RTP2: variants seen among roughly 807,000 people sequenced by gnomAD.
RTP2 encodes receptor transporter protein 2.
A neutral mutation model predicts 17.9 loss-of-function variants in RTP2; 12 were observed. The ratio of observed to expected loss-of-function variants is 0.67; its 90% CI spans 0.43 to 1.09. The LOEUF is 1.09. Ranked by LOEUF, RTP2 falls within the 50% of genes least tolerant of loss-of-function variation. RTP2 has a pLI of 0.00. For missense variants in RTP2, 327 were observed against 295.7 expected (o/e 1.11, Z -0.78); for synonymous variants, 126 against 117.7 (o/e 1.07, Z -0.46).
the RTP2 span, among the ~76,000 whole-genome samples, chr3:187,709,647 T>C: frequency 6.6e-6 from 1 of 152,162 alleles, no homozygotes; most frequent in Non-Finnish European, 1.5e-5. Context: ...ATCACACCAT[T>C]GCACTCCAGC....
the RTP2 span, among the ~76,000 whole-genome samples, chr3:187,707,808 A>T: frequency 6.6e-6 from 1 of 152,216 alleles, no homozygotes; most frequent in African/African-American, 2.4e-5. Context: ...ATGTCTAAAA[A>T]TGCTGTTTCC....
At chr3:187,709,535 A>C in the RTP2 span, among the ~76,000 whole-genome samples, 1 of 152,126 alleles carries the variant, frequency 6.6e-6, no homozygotes, top group Non-Finnish European at 1.5e-5. Flanking sequence ...AATACAAAAA[A>C]TTGGCCAGGC....
At chr3:187,710,385 ATAT>A in the RTP2 span, among the ~76,000 whole-genome samples, 1 of 148,404 alleles carries the variant, frequency 6.7e-6, no homozygotes, top group African/African-American at 2.5e-5. Flanking sequence ...CCATATATAT[ATAT>A]ATATATATAT....
chr3:187,699,782 CATAT>C (rs1553830576), intron 1 of RTP2, among the ~76,000 whole-genome samples: 5,081 of 31,772 alleles, frequency 0.16, 151 homozygotes, highest in Non-Finnish European at 0.2. Context: ...CACACACACA[CATAT>C]ATTTTCTCTC....
the RTP2 span, among the ~76,000 whole-genome samples, chr3:187,711,323 A>G: frequency 5.9e-5 from 9 of 152,100 alleles, no homozygotes; most frequent in Admixed American, 1.3e-4. Flanking sequence ...TCTTACCTTT[A>G]TTTGTTTTCA....
chr3:187,705,464 G>A (rs1717968123), upstream of RTP2, among the ~76,000 whole-genome samples: 1 of 152,208 alleles, frequency 6.6e-6, no homozygotes, highest in African/African-American at 2.4e-5. Flanking sequence ...CAAGGCTGGG[G>A]TCAATATCCT....
intron 1 of RTP2, among the ~76,000 whole-genome samples, 167 bp from the exon 2 acceptor site, chr3:187,699,178 C>T (rs1016189975): frequency 1.3e-5 from 2 of 152,126 alleles, no homozygotes; most frequent in African/African-American, 2.4e-5. Flanking sequence ...GCTCTCGCCT[C>T]CTCCTGGTGA....
chr3:187,700,033 A>T (rs189550069), intron 1 of RTP2, among the ~76,000 whole-genome samples: 193 of 152,286 alleles, frequency 1.3e-3, no homozygotes, highest in African/African-American at 4.5e-3. Context: ...AGGCAGTCAG[A>T]TGTCCACTGG....
chr3:187,713,887 T>C, the RTP2 span, among the ~76,000 whole-genome samples: 1 of 152,162 alleles, frequency 6.6e-6, no homozygotes, highest in Non-Finnish European at 1.5e-5. Context: ...CCAGTGCAAA[T>C]TGGCCTTAGG....
chr3:187,699,616 G>C (rs1318772750), intron 1 of RTP2, among the ~76,000 whole-genome samples: 1 of 151,892 alleles, frequency 6.6e-6, no homozygotes, highest in Non-Finnish European at 1.5e-5. Context: ...ACCAAGTTTA[G>C]TTACTACATC....
At chr3:187,715,074 AATGGCCCCCAGACTTCC>A in the RTP2 span, among the ~76,000 whole-genome samples, 1 of 152,106 alleles carries the variant, frequency 6.6e-6, no homozygotes, top group Admixed American at 6.5e-5. Flanking sequence ...ACCCTCCGCA[AATGGCCCCCAGACTTCC>A]ATGGCCCTGC....
upstream of RTP2, among the ~76,000 whole-genome samples, chr3:187,703,538 C>A (rs1717910456): frequency 6.6e-6 from 1 of 152,152 alleles, no homozygotes; most frequent in African/African-American, 2.4e-5. Flanking sequence ...CTCTTCATTT[C>A]TTAACCAAAA....
At chr3:187,714,382 G>A in the RTP2 span, among the ~76,000 whole-genome samples, 3 of 152,310 alleles carry the variant, frequency 2.0e-5, no homozygotes, top group East Asian at 1.9e-4. Flanking sequence ...GTAGATCTCC[G>A]AAAGAAAGAT....
Position 187,700,701 on chromosome 3 carries a change from G to A in RTP2, c.164+1264C>T, listed in dbSNP as rs73886461. On this transcript the variant is annotated intron_variant, in intron 1 of 1. Transcript: ENST00000358241. ...AAAAATATCAGATCTGGGGGCAGGC[G>A]AGCTTAAGAAGCATCTAGTCAGCCC... 7.4e-4 allele frequency among the ~76,000 whole-genome samples: 112 copies of A among 152,300 alleles called. 1 individual carries two copies. The highest frequency in any genetic ancestry group is 2.5e-3 in the African/African-American group (103 of 41,550).
At chr3:187,704,635 C>T (rs1579785612), upstream of RTP2, among the ~76,000 whole-genome samples, 1 of 152,198 alleles carries the variant, frequency 6.6e-6, no homozygotes, top group Admixed American at 6.5e-5. Context: ...AGATCCAGGA[C>T]AAATGCAAGG....
chr3:187,707,012 G>T (rs1328084884), upstream of RTP2, among the ~76,000 whole-genome samples: 1 of 152,156 alleles, frequency 6.6e-6, no homozygotes, highest in African/African-American at 2.4e-5. Context: ...AACAAACTAG[G>T]TCTTCTTGGA....
chr3:187,707,631 C>T, the RTP2 span, among the ~76,000 whole-genome samples: 1 of 152,212 alleles, frequency 6.6e-6, no homozygotes, highest in East Asian at 1.9e-4. Flanking sequence ...ATACATGGGA[C>T]CTGGATTATG....
chr3:187,702,389 C>A, exon 1 of RTP2: 1 of 547,196 alleles, frequency 1.8e-6, no homozygotes, highest in South Asian at 1.7e-5. Flanking sequence ...AGAGGCAGCG[C>A]TGGGTAGGCC....
At chr3:187,714,021 CAA>C in the RTP2 span, among the ~76,000 whole-genome samples, 2 of 152,180 alleles carry the variant, frequency 1.3e-5, no homozygotes, top group African/African-American at 4.8e-5. Flanking sequence ...AGTCAGAAGG[CAA>C]ATGGTCTGTT....
Sources: gnomAD v4.1 joint callset for allele counts (sites outside exome capture counted in the v4.1 genomes callset) on GRCh38, gnomAD v4.1.1 for gene constraint, MANE v1.5 for transcripts, NCBI Gene and HGNC (gene_info 2026-07-23, HGNC 2026-07-21) for gene names.